The following VPS13B variants were observed in gnomAD, a reference collection of about 807,000 sequenced individuals.
VPS13B encodes vacuolar protein sorting 13 homolog B, also known as intermembrane lipid transfer protein VPS13B.
Under a neutral mutation model 426.4 loss-of-function variants are expected in VPS13B, and 285 were observed. The ratio of observed to expected loss-of-function variants is 0.67; its 90% confidence interval spans 0.61 to 0.74. VPS13B has a LOEUF of 0.74. Ranked by LOEUF, VPS13B falls within the 30% of genes least tolerant of loss-of-function variation. VPS13B has a pLI of 0.00. For missense variants in VPS13B, 4,537 were observed against 4,782.6 expected, an observed-to-expected ratio of 0.95 and a Z score of 1.51; for synonymous variants, 1,676 against 1,676.4, an observed-to-expected ratio of 1.00 and a Z score of 0.01.
intron 30 of VPS13B, among the ~76,000 whole-genome samples, chr8:99,536,331 T>C (rs1823222108): frequency 6.6e-6 from 1 of 152,218 alleles, no homozygotes; most frequent in Non-Finnish European, 1.5e-5. Flanking sequence ...CACTCTGGTA[T>C]TTTCCATGTA....
intron 39 of VPS13B, among the ~76,000 whole-genome samples, chr8:99,762,039 T>G (rs1045225502): frequency 6.6e-6 from 1 of 152,062 alleles, no homozygotes; most frequent in African/African-American, 2.4e-5. Flanking sequence ...TTTTTTTTAT[T>G]TTTTTGAAAC....
At chr8:99,159,582 G>A (rs190717504) in intron 15 of VPS13B, among the ~76,000 whole-genome samples, 49 of 152,300 alleles carry the variant, frequency 3.2e-4, no homozygotes, top group Non-Finnish European at 5.6e-4. Context: ...TGATTAGTAA[G>A]GAGCCATGAA....
intron 13 of VPS13B, among the ~76,000 whole-genome samples, chr8:99,146,024 T>C (rs1810708850): frequency 9.1e-6 from 1 of 109,996 alleles, no homozygotes; most frequent in African/African-American, 3.0e-5. Context: ...ATGAGCAATC[T>C]GCCATCTCAT....
At chr8:99,308,005 T>C (rs1820731658) in intron 19 of VPS13B, among the ~76,000 whole-genome samples, 2 of 152,120 alleles carry the variant, frequency 1.3e-5, no homozygotes, top group South Asian at 4.1e-4. Flanking sequence ...ATTTCTTCAT[T>C]GACCCAATGG....
At chr8:99,230,524 TGTTTATGAAAACCAG>T (rs1473461253) in intron 17 of VPS13B, among the ~76,000 whole-genome samples, 1 of 152,234 alleles carries the variant, frequency 6.6e-6, no homozygotes, top group African/African-American at 2.4e-5. Flanking sequence ...GATTTATAAT[TGTTTATGAAAACCAG>T]GTTCCAGTTC....
At position 99,848,817 on chromosome 8, in the gene VPS13B, T is replaced by G. The variant is rs1001274602; in HGVS notation, c.9984T>G (p.Val3328=). Residue 3328 remains valine, a synonymous_variant, in exon 55 of 62, where the codon GTT becomes GTG. Transcript: ENST00000357162. ...GCTTTGGCTATGTGTATGTGGATGTTGTACATCAGTGTGGCACAGTCTTCA... is the reference window on the plus strand; with the variant it reads ...GCTTTGGCTATGTGTATGTGGATGTGGTACATCAGTGTGGCACAGTCTTCA... ...LTGFGYVYVD[V]VHQCGTVFIT... 6.2e-7 allele frequency: 1 copy of G among 1,614,036 alleles called. No homozygotes were observed. The highest frequency in any genetic ancestry group is 1.3e-5 in the African/African-American group (1 of 74,918).
intron 19 of VPS13B, among the ~76,000 whole-genome samples, chr8:99,284,507 A>G (rs572632246): frequency 6.6e-6 from 1 of 152,282 alleles, no homozygotes; most frequent in East Asian, 1.9e-4. Context: ...AGCTTCATCC[A>G]TTATAAATTA....
intron 19 of VPS13B, among the ~76,000 whole-genome samples, chr8:99,353,110 T>C (rs1464284641): frequency 6.6e-6 from 1 of 151,776 alleles, no homozygotes; most frequent in Non-Finnish European, 1.5e-5. Context: ...TCCTCCCAAG[T>C]AGCTGGGATT....
intron 36 of VPS13B, among the ~76,000 whole-genome samples, chr8:99,711,698 T>C (rs555597494): frequency 1.8e-4 from 28 of 152,330 alleles, no homozygotes; most frequent in African/African-American, 6.0e-4. Context: ...GAGTCAATAT[T>C]AGAAATGTTC....
intron 17 of VPS13B, among the ~76,000 whole-genome samples, chr8:99,237,584 G>GA (rs1395464552): frequency 1.3e-5 from 2 of 152,068 alleles, no homozygotes; most frequent in Non-Finnish European, 2.9e-5. Context: ...GACTGAAACA[G>GA]AAAAAATCAC....
intron 3 of VPS13B, among the ~76,000 whole-genome samples, chr8:99,043,684 G>A (rs942143470): frequency 4.1e-4 from 62 of 152,006 alleles, no homozygotes; most frequent in African/African-American, 1.5e-3. Context: ...CTGGTTCACA[G>A]ACTTTTTTTT....
chr8:99,716,538 C>G (rs1832930360), intron 36 of VPS13B, among the ~76,000 whole-genome samples: 1 of 152,114 alleles, frequency 6.6e-6, no homozygotes, highest in Non-Finnish European at 1.5e-5. Context: ...AAAAGAAAGC[C>G]TACATTTTAA....
chr8:99,159,999 T>C (rs556330534), intron 15 of VPS13B, among the ~76,000 whole-genome samples: 3 of 152,094 alleles, frequency 2.0e-5, no homozygotes, highest in Non-Finnish European at 2.9e-5. Flanking sequence ...TTTTTTTTTT[T>C]GACATAATGT....
intron 3 of VPS13B, among the ~76,000 whole-genome samples, chr8:99,088,131 C>A (rs1178619890): frequency 6.7e-6 from 1 of 150,280 alleles, no homozygotes; most frequent in African/African-American, 2.5e-5. Context: ...TTGCAGTGAG[C>A]CGAGATTGCG....
intron 33 of VPS13B, among the ~76,000 whole-genome samples, chr8:99,636,059 T>TCC (rs1033836939): frequency 5.3e-5 from 8 of 152,010 alleles, no homozygotes; most frequent in South Asian, 2.1e-4. Flanking sequence ...TGCGCTGAAA[T>TCC]GATCTAAGAA....
rs139675973 is a variant in VPS13B, at chr8:99,383,762, G to A, written c.2825-446G>A. On this transcript the variant is annotated intron_variant, in intron 19 of 61. Transcript: ENST00000357162. Reference sequence around the variant, plus strand: ...TTATTTCACTTAATATAATGTTTTCGAGATTCATCAGTGCTGTAGCATGTA... The same window carrying A: ...TTATTTCACTTAATATAATGTTTTCAAGATTCATCAGTGCTGTAGCATGTA... Among the ~76,000 whole-genome samples the A allele has an allele frequency of 1.7e-4, 26 of 152,110 alleles. No individual in the cohort carries two copies. In the East Asian group the frequency reaches 4.6e-3, roughly 27 times the overall value.
intron 39 of VPS13B, among the ~76,000 whole-genome samples, chr8:99,732,262 C>T (rs1242974504): frequency 6.6e-6 from 1 of 152,184 alleles, no homozygotes. Flanking sequence ...AATGTCTCTA[C>T]GAAGTCATGA....
chr8:99,607,407 C>G (rs1254936462), intron 33 of VPS13B, among the ~76,000 whole-genome samples: 1 of 152,152 alleles, frequency 6.6e-6, no homozygotes, highest in Non-Finnish European at 1.5e-5. Flanking sequence ...TAACTCCTCT[C>G]CCACACGTAA....
intron 39 of VPS13B, among the ~76,000 whole-genome samples, chr8:99,738,602 AT>A (rs1461642945): frequency 1.3e-5 from 2 of 152,236 alleles, no homozygotes; most frequent in African/African-American, 2.4e-5. Context: ...AGTTTATCCT[AT>A]TGTAGATTTG....
Sources: allele counts gnomAD v4.1 joint callset (sites outside exome capture counted in the v4.1 genomes callset), GRCh38; gene constraint gnomAD v4.1.1; transcripts MANE v1.5; gene names NCBI Gene and HGNC (gene_info 2026-07-23, HGNC 2026-07-21).